The following APIP variants were observed in gnomAD, a reference collection of about 807,000 sequenced individuals.
APIP encodes methylthioribulose-1-phosphate dehydratase.
APIP carries 32 observed loss-of-function variants against 32.0 expected under a neutral mutation model. The observed-to-expected ratio is 1.00, with a 90% CI of 0.76 to 1.34. The LOEUF is 1.34. Among genes scored for constraint, APIP ranks in the 40% most tolerant of loss-of-function variants. The pLI is 0.00. For missense variants in APIP, 247 were observed against 298.6 expected (o/e 0.83, Z 1.27); for synonymous variants, 92 against 94.8 (o/e 0.97, Z 0.17).
chr11:34,916,324 C>G lies in APIP; in HGVS notation c.-40G>C. 6.2e-7 allele frequency: 1 copy of G among 1,606,620 alleles called. No individual in the cohort carries two copies. The highest frequency in any genetic ancestry group is 1.1e-5 in the South Asian group (1 of 90,048). On this transcript the variant is annotated 5_prime_UTR_variant, in exon 1 of 7. Transcript: ENST00000395787. ...ACCCGCGCGGCCTCCAATCTCCGCA[C>G]GGCTTTGCGCGCGGCGCTTAGCCTG...
At chr11:34,893,770 A>C (rs1853218338) in intron 2 of APIP, among the ~76,000 whole-genome samples, 1 of 152,228 alleles carries the variant, frequency 6.6e-6, no homozygotes, top group African/African-American at 2.4e-5. Flanking sequence ...TTTAAAGCAG[A>C]TAAAATTATA....
At chr11:34,888,212 C>A (rs1853110832) in intron 5 of APIP, 81 bp downstream of exon 5, 1 of 1,263,392 alleles carries the variant, frequency 7.9e-7, no homozygotes, top group Non-Finnish European at 1.1e-6. Flanking sequence ...TCATTATATG[C>A]ATAAAATGAT....
intron 1 of APIP, among the ~76,000 whole-genome samples, chr11:34,900,059 A>G (rs1297583093): frequency 6.6e-6 from 1 of 152,208 alleles, no homozygotes; most frequent in Admixed American, 6.5e-5. Context: ...TTGGAGATGG[A>G]CAAACCTGGC....
In APIP at chr11:34,912,860, C is replaced by T. The variant is rs193075221; in HGVS notation, c.57+3368G>A. On this transcript the variant is annotated intron_variant, in intron 1 of 6. Transcript: ENST00000395787. ...ATATATATATTCCATTAGTTCTGTC[C>T]CTCTAGAGAACCCTGCTAAATACAC... is the stretch of plus-strand genomic sequence containing the variant. Among the ~76,000 whole-genome samples, 86 of 152,210 alleles carry T rather than the reference C, an allele frequency of 5.7e-4. 3 individuals are homozygous for T. In the East Asian group the frequency reaches 0.014, roughly 25 times the overall value.
At chr11:34,899,609 T>G (rs12276756) in intron 1 of APIP, among the ~76,000 whole-genome samples, 2,840 of 152,316 alleles carry the variant, frequency 0.019, 86 homozygotes, top group African/African-American at 0.066. Flanking sequence ...TAGTTTTTCT[T>G]GAGATCTGTT....
intron 1 of APIP, among the ~76,000 whole-genome samples, chr11:34,901,451 C>G (rs1252890244): frequency 6.6e-6 from 1 of 152,098 alleles, no homozygotes; most frequent in African/African-American, 2.4e-5. Flanking sequence ...AGCACAGGAA[C>G]CTTGGGTGAT....
intron 2 of APIP, among the ~76,000 whole-genome samples, chr11:34,892,806 G>A (rs932560941): frequency 5.3e-5 from 8 of 151,980 alleles, no homozygotes; most frequent in Admixed American, 1.3e-4. Flanking sequence ...AATTTATTGC[G>A]TTTGCATTTT....
At position 34,883,385 on chromosome 11, in the gene APIP, C is replaced by T. The variant is rs193139398; in HGVS notation, c.581G>A (p.Arg194His). The T allele has an allele frequency of 1.1e-5, 17 of 1,613,682 alleles. No individual in the cohort carries two copies. Among genetic ancestry groups the T allele is most frequent in the African/African-American group, 2.7e-5 (2 of 75,012 alleles). The change falls in exon 6 of 7, where the codon CGT (arginine) becomes CAT (histidine). Residue 194 changes from arginine to histidine, a missense_variant. Transcript: ENST00000395787. ...TTCCCCCCACACATATACTCCATGA[C>T]GTCTGACCAGTACTGCACAGGAGTC... ...YPDSCAVLVRRHGVYVWGETW... is the reference protein window; with the variant it reads ...YPDSCAVLVRHHGVYVWGETW...
intron 2 of APIP, among the ~76,000 whole-genome samples, chr11:34,891,887 A>T (rs1256244739): frequency 2.0e-5 from 3 of 152,148 alleles, no homozygotes; most frequent in African/African-American, 7.2e-5. Flanking sequence ...AACATGGAAG[A>T]AGCTCTAGGA....
chr11:34,915,024 A>G (rs1853641014), intron 1 of APIP, among the ~76,000 whole-genome samples: 1 of 145,628 alleles, frequency 6.9e-6, no homozygotes, highest in Admixed American at 6.8e-5. Flanking sequence ...AAAAAAAAAA[A>G]AAGGTTGGCT....
At chr11:34,902,686 C>T (rs1458881832) in intron 1 of APIP, among the ~76,000 whole-genome samples, 1 of 152,204 alleles carries the variant, frequency 6.6e-6, no homozygotes, top group Non-Finnish European at 1.5e-5. Context: ...TAAAACTCAT[C>T]TTTTAACCTG....
rs1485194301 is a variant in APIP, at chr11:34,890,744, T to C, written c.159-192A>G. ...TGCCTTTGTAGTGCTGGTGGCATTGTAGAATATTAGTTGTTGCTTTTGTCT... is the reference window on the plus strand; with the variant it reads ...TGCCTTTGTAGTGCTGGTGGCATTGCAGAATATTAGTTGTTGCTTTTGTCT... On this transcript the variant is annotated intron_variant, in intron 2 of 6. Transcript: ENST00000395787. 9.1e-6 allele frequency: 4 copies of C among 438,868 alleles called. No individual in the cohort carries two copies. In the East Asian group the frequency reaches 1.1e-4, roughly 13 times the overall value. 27.2% of individuals were successfully genotyped at this position (438,868 alleles called of 1,614,324 possible).
At chr11:34,904,129 C>T (rs554117244) in intron 1 of APIP, among the ~76,000 whole-genome samples, 44 of 152,194 alleles carry the variant, frequency 2.9e-4, no homozygotes, top group Non-Finnish European at 5.7e-4. Context: ...CATTCAATAC[C>T]TGCTGGTATG....
intron 6 of APIP, 63 bp downstream of exon 6, chr11:34,883,273 CT>C: frequency 6.8e-7 from 1 of 1,470,194 alleles, no homozygotes; most frequent in Non-Finnish European, 9.2e-7. Flanking sequence ...AACTGACATA[CT>C]TTGTTTTCCT....
Position 34,883,351 on chromosome 11 carries a change from C to T in APIP, c.615G>A (p.Glu205=). 1.2e-6 allele frequency: 2 copies of T among 1,610,120 alleles called. No individual in the cohort carries two copies. The highest frequency in any genetic ancestry group is 2.2e-5 in the South Asian group (2 of 90,440). ...TTTACACTCACATGGTTTTGGCCTT[C>T]TCCCATGTTTCCCCCCACACATATA... ...HGVYVWGETW[E]KAKTMCECYD... The change falls in exon 6 of 7, where the codon GAG becomes GAA. Residue 205 remains glutamate, a synonymous_variant. Coordinates refer to ENST00000395787, the MANE Select transcript of APIP (RefSeq NM_015957.4).
At chr11:34,906,791 G>A (rs184513917) in intron 1 of APIP, among the ~76,000 whole-genome samples, 82 of 152,250 alleles carry the variant, frequency 5.4e-4, no homozygotes, top group Admixed American at 2.8e-3. Context: ...CTTCAGCCCC[G>A]GGTGGCTACA....
intron 1 of APIP, among the ~76,000 whole-genome samples, chr11:34,899,385 T>G (rs566148799): frequency 4.1e-4 from 62 of 152,310 alleles, no homozygotes; most frequent in African/African-American, 1.5e-3. Flanking sequence ...TATTGTCCCA[T>G]CAGCAGGAAA....
chr11:34,887,413 T>C (rs1853096605), intron 5 of APIP, among the ~76,000 whole-genome samples: 1 of 152,206 alleles, frequency 6.6e-6, no homozygotes, highest in Non-Finnish European at 1.5e-5. Context: ...AATTTAAATA[T>C]TTAACTTTTG....
At position 34,894,846 on chromosome 11, in the gene APIP, G is replaced by A. The variant is rs186440498; in HGVS notation, c.158+164C>T. On this transcript the variant is annotated intron_variant, in intron 2 of 6. Transcript: ENST00000395787. ...GACATATCTGCAGCTTTTGTACATT[G>A]CTTCCATTCAGTTACACAAATGTCC... Among the ~76,000 whole-genome samples the A allele has an allele frequency of 1.9e-3, 287 of 152,264 alleles. 2 individuals are homozygous for A. The highest frequency in any genetic ancestry group is 1.2e-3 in the East Asian group (6 of 5,188).
Sources: gnomAD v4.1 joint callset for allele counts (sites outside exome capture counted in the v4.1 genomes callset) on GRCh38, gnomAD v4.1.1 for gene constraint, MANE v1.5 for transcripts, NCBI Gene and HGNC (gene_info 2026-07-23, HGNC 2026-07-21) for gene names.